Variants in TM4SF18 observed in about 807,000 individuals in gnomAD.
The protein encoded by TM4SF18 is transmembrane 4 L six family member 18.
TM4SF18 carries 22 observed loss-of-function variants against 23.8 expected under a neutral mutation model. The observed-to-expected ratio is 0.92, with a 90% CI of 0.66 to 1.32. The LOEUF (loss-of-function observed/expected upper bound fraction) is 1.32. Among genes scored for constraint, TM4SF18 ranks in the 40% most tolerant of loss-of-function variants. The pLI is 0.00. For synonymous variants in TM4SF18, 87 were observed against 87.9 expected (o/e 0.99, Z 0.06); for missense variants, 255 against 240.3 (o/e 1.06, Z -0.41).
In TM4SF18 at chr3:149,326,629, A is replaced by G. The variant is rs549800485; in HGVS notation, c.268-1607T>C. 2.0e-5 allele frequency among the ~76,000 whole-genome samples: 3 copies of G among 152,244 alleles called. No homozygotes were observed. The South Asian group carries it at 6.2e-4, about 32-fold the overall frequency. On this transcript the variant is annotated intron_variant, in intron 3 of 5. Transcript: ENST00000296059. Reference sequence around the variant, plus strand: ...TGCTGCTTTCATAATGCTATAATTTATCTGCATTTATGTTATCATTTTTCT... The same window carrying G: ...TGCTGCTTTCATAATGCTATAATTTGTCTGCATTTATGTTATCATTTTTCT...
chr3:149,330,233 G>C, intron 3 of TM4SF18, 97 bp downstream of exon 3: 1 of 732,400 alleles, frequency 1.4e-6, no homozygotes, highest in South Asian at 1.8e-5. Flanking sequence ...CTCAACAGTA[G>C]TGAGGGTATA....
chr3:149,333,477 T>TCG lies in TM4SF18; in HGVS notation c.-18+35_-18+36insCG. 1.8e-5 allele frequency: 8 copies of TCG among 449,928 alleles called. 1 individual carries two copies. The South Asian group carries it at 3.4e-4, about 19-fold the overall frequency. 27.9% of individuals were successfully genotyped at this position (449,928 alleles called of 1,614,324 possible). On this transcript the variant is annotated intron_variant, in intron 1 of 5. Transcript: ENST00000296059. ...CTACCTGACCTTTTTTTTCTCTCTC[T>TCG]CTCTCTTTTTTTTTTTTTTTTTTGA...
At chr3:149,332,779 G>C (rs1177448212) in intron 2 of TM4SF18, among the ~76,000 whole-genome samples, 2 of 152,098 alleles carry the variant, frequency 1.3e-5, no homozygotes, top group African/African-American at 4.8e-5. Flanking sequence ...TTTACATGCA[G>C]GTTTGTCTGA....
intron 5 of TM4SF18, 59 bp downstream of exon 5, chr3:149,322,197 G>A: frequency 2.1e-6 from 3 of 1,446,920 alleles, no homozygotes; most frequent in Non-Finnish European, 2.8e-6. Flanking sequence ...AAGCCTCATT[G>A]AATCCTGGGA....
intron 3 of TM4SF18, among the ~76,000 whole-genome samples, chr3:149,327,903 CAAAAT>C (rs1425697589): frequency 6.6e-6 from 1 of 152,010 alleles, no homozygotes; most frequent in African/African-American, 2.4e-5. Context: ...AGGTAAGCCT[CAAAAT>C]AAAGTGGGAA....
intron 4 of TM4SF18, among the ~76,000 whole-genome samples, chr3:149,323,145 G>A (rs1434677912): frequency 6.6e-6 from 1 of 152,004 alleles, no homozygotes; most frequent in Non-Finnish European, 1.5e-5. Flanking sequence ...TGATCTGCCT[G>A]CCTCACCCTC....
rs74981119 is a variant in TM4SF18 at position 149,324,900 on chromosome 3, A to T, written c.390T>A (p.Ala130=). ...YCRTLDGWEY[A]FEGTAGRFLT... Reference sequence around the variant, plus strand: ...CTTACCGTCCAGCAGTGCCTTCAAAAGCATACTCCCAGCCATCAAGGGTGC... The same window carrying T: ...CTTACCGTCCAGCAGTGCCTTCAAATGCATACTCCCAGCCATCAAGGGTGC... The change falls in exon 4 of 6, where the codon GCT becomes GCA. Residue 130 remains alanine (A), a synonymous_variant. Transcript: ENST00000296059. 861 of 1,614,170 alleles carry T rather than the reference A, an allele frequency of 5.3e-4. 6 individuals carry two copies. In the African/African-American group the frequency reaches 9.7e-3, roughly 18 times the overall value.
At chr3:149,330,111 G>T (rs1300309155) in intron 3 of TM4SF18, 4 of 356,898 alleles carry the variant, frequency 1.1e-5, no homozygotes, top group Non-Finnish European at 2.0e-5. Context: ...CCTAATTTTA[G>T]GTATCTTTAA....
At chr3:149,325,913 G>T (rs1730933463) in intron 3 of TM4SF18, among the ~76,000 whole-genome samples, 1 of 152,022 alleles carries the variant, frequency 6.6e-6, no homozygotes, top group African/African-American at 2.4e-5. Flanking sequence ...TCACCTACAT[G>T]AATATTTTAC....
intron 3 of TM4SF18, 39 bp from the exon 4 acceptor site, chr3:149,325,061 G>A (rs1191633499): frequency 6.3e-7 from 1 of 1,595,364 alleles, no homozygotes; most frequent in Admixed American, 1.7e-5. Context: ...ACCATAGAAT[G>A]CGACAAGGGG....
chr3:149,329,516 T>C (rs1310205540), intron 3 of TM4SF18, among the ~76,000 whole-genome samples: 1 of 152,190 alleles, frequency 6.6e-6, no homozygotes, highest in Non-Finnish European at 1.5e-5. Context: ...TCCTAGCTAA[T>C]AATCACTTGT....
chr3:149,327,808 A>G (rs1239173555), intron 3 of TM4SF18, among the ~76,000 whole-genome samples: 1 of 152,156 alleles, frequency 6.6e-6, no homozygotes, highest in East Asian at 1.9e-4. Context: ...GAATTTCTTC[A>G]TTGGGGGAAA....
chr3:149,330,361 C>T lies in TM4SF18; in HGVS notation c.236G>A (p.Cys79Tyr), dbSNP rs1258741762. 6.2e-7 allele frequency: 1 copy of T among 1,612,534 alleles called. No homozygotes were observed. Among genetic ancestry groups the T allele is most frequent in the Non-Finnish European group, 8.5e-7 (1 of 1,179,098 alleles). Residue 79 changes from cysteine (C) to tyrosine (Y), a missense_variant, in exon 3 of 6, where the codon TGC becomes TAC. Cys to Tyr is a radical substitution (Grantham distance 194, BLOSUM62 -2). Coordinates refer to ENST00000296059, the MANE Select transcript of TM4SF18 (RefSeq NM_138786.4). ...TTTTTTGCTGCAGTTTTCACTCTGG[C>T]AACATTTATAGTTGTTATTATTCTC... Reference protein sequence around the residue: ...VLENNNNYKCCQSENCSKKYV... With the variant: ...VLENNNNYKCYQSENCSKKYV...
chr3:149,328,988 T>A (rs1267591111), intron 3 of TM4SF18, among the ~76,000 whole-genome samples: 2 of 152,306 alleles, frequency 1.3e-5, no homozygotes, highest in Admixed American at 6.5e-5. Flanking sequence ...AAATTGAACA[T>A]GTGAATTTTT....
chr3:149,330,521 T>G (rs1406411467), intron 2 of TM4SF18, 102 bp from the exon 3 acceptor site: 1 of 683,120 alleles, frequency 1.5e-6, no homozygotes, highest in Non-Finnish European at 2.4e-6. Flanking sequence ...TGGGGTCAGG[T>G]AGATATGGAT....
chr3:149,327,070 C>A (rs1360735285), intron 3 of TM4SF18, among the ~76,000 whole-genome samples: 2 of 152,172 alleles, frequency 1.3e-5, no homozygotes, highest in African/African-American at 4.8e-5. Flanking sequence ...CTGCCTCAGC[C>A]TCCTGAGTAG....
At position 149,321,361 on chromosome 3, in the gene TM4SF18, A is replaced by G. The variant is rs750882233; in HGVS notation, c.*117T>C. 2.6e-6 allele frequency: 2 copies of G among 760,826 alleles called. No individual in the cohort carries two copies. The highest frequency in any genetic ancestry group is 4.0e-6 in the Non-Finnish European group (2 of 496,216). The allele number at this position is 760,826 out of a possible 1,614,324, so 47.1% of individuals were successfully genotyped here. Reference sequence around the variant, plus strand: ...CAGTGAGGACTGCAAATTTTTTACAAATAAACACCAAATGCAGAAAGCACC... The same window carrying G: ...CAGTGAGGACTGCAAATTTTTTACAGATAAACACCAAATGCAGAAAGCACC... On this transcript the variant is annotated 3_prime_UTR_variant, in exon 6 of 6. Transcript: ENST00000296059.
At chr3:149,326,889 A>G (rs1352466523) in intron 3 of TM4SF18, among the ~76,000 whole-genome samples, 1 of 152,188 alleles carries the variant, frequency 6.6e-6, no homozygotes, top group Non-Finnish European at 1.5e-5. Flanking sequence ...AAGATGTTCC[A>G]GGTTCATTTT....
At position 149,328,353 on chromosome 3, in the gene TM4SF18, T is replaced by A. The variant is rs570504254; in HGVS notation, c.267+1977A>T. On this transcript the variant is annotated intron_variant, in intron 3 of 5. Coordinates refer to ENST00000296059, the MANE Select transcript of TM4SF18 (RefSeq NM_138786.4). ...TTTATAAGGGCACCACTCTCATTCA[T>A]GAGGGAAGAGCCATCATAACTTAGT... Among the ~76,000 whole-genome samples, 4 of 152,284 alleles carry A rather than the reference T, an allele frequency of 2.6e-5. No individual in the cohort carries two copies. The East Asian group carries it at 7.7e-4, about 29-fold the overall frequency.
Sources: allele counts gnomAD v4.1 joint callset (sites outside exome capture counted in the v4.1 genomes callset), GRCh38; gene constraint gnomAD v4.1.1; transcripts MANE v1.5; gene names NCBI Gene and HGNC (gene_info 2026-07-23, HGNC 2026-07-21).